The following RUNX2 variants were observed in gnomAD, a reference collection of about 807,000 sequenced individuals.
The protein encoded by RUNX2 is runt-related transcription factor 2.
Under a neutral mutation model 51.7 loss-of-function variants are expected in RUNX2, and 10 were observed. The ratio of observed to expected loss-of-function variants is 0.19; its 90% CI spans 0.12 to 0.33. The LOEUF is 0.33. Ranked by LOEUF, RUNX2 falls within the 10% of genes least tolerant of loss-of-function variation. RUNX2 has a pLI of 1.00. For synonymous variants in RUNX2, 276 were observed against 273.6 expected (o/e 1.01, Z -0.09); for missense variants, 562 against 691.3 (o/e 0.81, Z 2.10).
intron 2 of RUNX2, among the ~76,000 whole-genome samples, chr6:45,386,254 A>G (rs1797346561): frequency 6.6e-6 from 1 of 151,920 alleles, no homozygotes; most frequent in Admixed American, 6.6e-5. Context: ...TTTAGTAGAG[A>G]TGGGGTTTCT....
intron 2 of RUNX2, among the ~76,000 whole-genome samples, chr6:45,392,907 C>T (rs1344191347): frequency 1.3e-5 from 2 of 152,240 alleles, no homozygotes; most frequent in East Asian, 3.9e-4. Context: ...AGTTCTTGGA[C>T]ATTCTGTTCA....
chr6:45,442,314 T>G (rs1266757897), intron 5 of RUNX2, among the ~76,000 whole-genome samples: 1 of 152,228 alleles, frequency 6.6e-6, no homozygotes, highest in Non-Finnish European at 1.5e-5. Context: ...ATTTTGACCT[T>G]CTGTTGGCAA....
At chr6:45,543,395 G>A (rs1802291836) in intron 7 of RUNX2, among the ~76,000 whole-genome samples, 1 of 152,166 alleles carries the variant, frequency 6.6e-6, no homozygotes, top group African/African-American at 2.4e-5. Context: ...ATGGACTTGT[G>A]CAAGTTGTTC....
At chr6:45,503,429 C>T (rs1800857633) in intron 6 of RUNX2, among the ~76,000 whole-genome samples, 1 of 152,150 alleles carries the variant, frequency 6.6e-6, no homozygotes, top group Non-Finnish European at 1.5e-5. Flanking sequence ...ATCACCATGC[C>T]TGGGGACCTT....
At chr6:45,387,594 A>G (rs1466244835) in intron 2 of RUNX2, among the ~76,000 whole-genome samples, 1 of 152,216 alleles carries the variant, frequency 6.6e-6, no homozygotes, top group East Asian at 1.9e-4. Context: ...TCCCAGATCT[A>G]AATGTCCACA....
At chr6:45,480,478 C>A (rs1800080879) in intron 5 of RUNX2, among the ~76,000 whole-genome samples, 1 of 152,178 alleles carries the variant, frequency 6.6e-6, no homozygotes, top group Non-Finnish European at 1.5e-5. Context: ...GTAAAACAGA[C>A]TTCTGACAGA....
At chr6:45,491,273 T>C (rs1224995855) in intron 5 of RUNX2, among the ~76,000 whole-genome samples, 1 of 152,228 alleles carries the variant, frequency 6.6e-6, no homozygotes, top group Admixed American at 6.5e-5. Flanking sequence ...TTCTCTCTGA[T>C]TTAACAGAGT....
intron 7 of RUNX2, among the ~76,000 whole-genome samples, chr6:45,520,086 C>A (rs1203954991): frequency 6.6e-6 from 1 of 152,082 alleles, no homozygotes; most frequent in East Asian, 1.9e-4. Context: ...CCTGCCTTGG[C>A]CTCCCAAAGT....
intron 2 of RUNX2, among the ~76,000 whole-genome samples, chr6:45,330,932 A>G (rs1181117612): frequency 6.6e-6 from 1 of 151,988 alleles, no homozygotes; most frequent in Non-Finnish European, 1.5e-5. Flanking sequence ...TGCAAAGCCT[A>G]AAACCTCACT....
chr6:45,418,594 C>G (rs1299646554), intron 2 of RUNX2, among the ~76,000 whole-genome samples: 1 of 152,134 alleles, frequency 6.6e-6, no homozygotes, highest in Admixed American at 6.5e-5. Context: ...CATGGTTTTC[C>G]TATGTGCCTA....
intron 2 of RUNX2, 82 bp from the exon 3 acceptor site, chr6:45,422,511 T>G: frequency 2.8e-6 from 2 of 711,792 alleles, no homozygotes; most frequent in Non-Finnish European, 1.9e-6. Context: ...CCCAATTTCC[T>G]CCTTGCCCCT....
intron 7 of RUNX2, among the ~76,000 whole-genome samples, chr6:45,524,664 C>A (rs1011759889): frequency 6.6e-6 from 1 of 152,106 alleles, no homozygotes; most frequent in African/African-American, 2.4e-5. Context: ...TAAGAAGAAC[C>A]TTTTCTAAAT....
intron 2 of RUNX2, among the ~76,000 whole-genome samples, chr6:45,345,919 C>T (rs1364827281): frequency 6.6e-6 from 1 of 152,130 alleles, no homozygotes; most frequent in Non-Finnish European, 1.5e-5. Flanking sequence ...GCTCCAAATG[C>T]CTCATCCCTG....
chr6:45,378,745 A>G (rs1307700743), intron 2 of RUNX2, among the ~76,000 whole-genome samples: 1 of 149,760 alleles, frequency 6.7e-6, no homozygotes, highest in Admixed American at 6.7e-5. Context: ...ATTGTACTGT[A>G]CATTCTGTCC....
intron 7 of RUNX2, among the ~76,000 whole-genome samples, chr6:45,543,904 T>C (rs1359460117): frequency 6.6e-6 from 1 of 151,566 alleles, no homozygotes; most frequent in Non-Finnish European, 1.5e-5. Flanking sequence ...ATAGTCTTTC[T>C]TTTAAGTTTA....
At chr6:45,484,943 T>A (rs1800223831) in intron 5 of RUNX2, among the ~76,000 whole-genome samples, 1 of 152,216 alleles carries the variant, frequency 6.6e-6, no homozygotes, top group South Asian at 2.1e-4. Flanking sequence ...TCCTCTCCTC[T>A]CTTCCTTTTT....
chr6:45,447,940 C>T (rs1466773996), intron 5 of RUNX2, among the ~76,000 whole-genome samples: 4 of 143,932 alleles, frequency 2.8e-5, no homozygotes, highest in African/African-American at 1.0e-4. Context: ...AGCCTGTCTG[C>T]TTTGAGTGCC....
intron 6 of RUNX2, among the ~76,000 whole-genome samples, chr6:45,509,310 A>G (rs898866744): frequency 6.6e-6 from 1 of 152,164 alleles, no homozygotes; most frequent in Non-Finnish European, 1.5e-5. Flanking sequence ...AGTATTTATT[A>G]TTGTATTCAT....
At chr6:45,368,149 T>C (rs973386135) in intron 2 of RUNX2, among the ~76,000 whole-genome samples, 3 of 152,196 alleles carry the variant, frequency 2.0e-5, no homozygotes, top group Non-Finnish European at 2.9e-5. Flanking sequence ...TGTCCTGCAG[T>C]TGTTTCAGCT....
Sources: allele counts gnomAD v4.1 joint callset (sites outside exome capture counted in the v4.1 genomes callset), GRCh38; gene constraint gnomAD v4.1.1; transcripts MANE v1.5; gene names NCBI Gene and HGNC (gene_info 2026-07-23, HGNC 2026-07-21).